The following TTN variants were observed in gnomAD, a reference collection of about 807,000 sequenced individuals.
The protein encoded by TTN is titin.
A neutral mutation model predicts 3,223.0 loss-of-function variants in TTN; 1,525 were observed. The observed-to-expected ratio is 0.47, with a 90% CI of 0.45 to 0.49. TTN has a LOEUF of 0.49. Among genes scored for constraint, TTN ranks in the 20% least tolerant of loss-of-function variants. The pLI is 0.00. For synonymous variants in TTN, 14,094 were observed against 15,161.0 expected, an observed-to-expected ratio of 0.93 and a Z score of 5.17; for missense variants, 40,786 against 43,424.0, an observed-to-expected ratio of 0.94 and a Z score of 5.40.
chr2:178,789,948 A>G (rs1487592943), intron 12 of TTN, 30 bp downstream of exon 12: 2 of 1,611,866 alleles, frequency 1.2e-6, no homozygotes, highest in Non-Finnish European at 1.7e-6. Context: ...TTAAAGATGA[A>G]CTTTTCACAG....
At position 178,735,521 on chromosome 2, in the gene TTN, G is replaced by C. The variant is rs765070689; in HGVS notation, c.14925C>G (p.Val4975=). Residue 4975 remains valine, a synonymous_variant, in exon 50 of 363, where the codon GTC becomes GTG. Transcript: ENST00000589042. ...EAGSSSCSAT[V]TVREPPSFVK... is the part of the protein sequence containing the mutation. ...TCACACGTTTCTTACCTCTGACAGT[G>C]ACTGTGGCTGAGCAGGAGCTGCTTC... 1 of 1,582,750 alleles carries C rather than the reference G, an allele frequency of 6.3e-7. No homozygotes were observed. Among genetic ancestry groups the C allele is most frequent in the Non-Finnish European group, 8.6e-7 (1 of 1,167,440 alleles).
chr2:178,684,055 G>T lies in TTN; in HGVS notation c.32750C>A (p.Pro10917Gln), dbSNP rs73973137. Residue 10917 changes from proline (P) to glutamine (Q), a missense_variant, in exon 133 of 363, where the codon CCA becomes CAA. Transcript: ENST00000589042. ...RVPEEPKRAV[P>Q]EEKVLKLKPK... ...TTTGAGTTTCAGAACTTTTTCTTCT[G>T]GGACAGCTCTCTTCGGTTCCTCTGG... The T allele has an allele frequency of 1.9e-5, 30 of 1,609,812 alleles. No individual in the cohort carries two copies. Among genetic ancestry groups the T allele is most frequent in the Non-Finnish European group, 2.5e-5 (30 of 1,178,292 alleles).
Position 178,601,148 on chromosome 2 carries a change from G to T in TTN, c.55756C>A (p.Leu18586Ile). ...TTCTTTGTGATGAGGCCAATCTTGA[G>T]TTTAATAGGAGGATCAGGAGGATCT... ...PIYPPDPPIK[L>I]KIGLITKNTV... Residue 18586 changes from leucine to isoleucine, a missense_variant, in exon 288 of 363, where the codon CTC becomes ATC. Coordinates refer to ENST00000589042, the MANE Select transcript of TTN (RefSeq NM_001267550.2). The T allele has an allele frequency of 1.3e-6, 2 of 1,544,388 alleles. No homozygotes were observed. The highest frequency in any genetic ancestry group is 1.7e-6 in the Non-Finnish European group (2 of 1,149,486).
chr2:178,779,396 T>A lies in TTN; in HGVS notation c.3796A>T (p.Thr1266Ser), dbSNP rs1274330720. 1 of 1,595,312 alleles carries A rather than the reference T, an allele frequency of 6.3e-7. No homozygotes were observed. Among genetic ancestry groups the A allele is most frequent in the Non-Finnish European group, 8.6e-7 (1 of 1,163,814 alleles). ...TCTTCTTCAAGAAGTTCTTCTAATG[T>A]AGTCTTTATTATTCTATATTCAATT... is the stretch of plus-strand genomic sequence containing the variant. Reference protein sequence around the residue: ...KEIEYRIIKTTLEELLEEDGE... With the variant: ...KEIEYRIIKTSLEELLEEDGE... Residue 1266 changes from threonine (T) to serine (S), a missense_variant, in exon 23 of 363, where the codon ACA becomes TCA. Physicochemically the swap from Thr to Ser is moderately conservative, Grantham distance 58. Coordinates refer to ENST00000589042, the MANE Select transcript of TTN (RefSeq NM_001267550.2).
rs367826445 is a variant in TTN, at chr2:178,720,990, C to A, written c.23029G>T (p.Gly7677Trp). The A allele has an allele frequency of 6.2e-7, 1 of 1,611,902 alleles. No individual in the cohort carries two copies. Among genetic ancestry groups the A allele is most frequent in the Non-Finnish European group, 8.5e-7 (1 of 1,178,224 alleles). The change falls in exon 79 of 363, where the codon GGG becomes TGG. Residue 7677 changes from glycine (G) to tryptophan (W), a missense_variant. Gly to Trp is a radical substitution (Grantham distance 184). Transcript: ENST00000589042. The stretch of plus-strand genomic sequence containing the variant: ...TTATGAGCCTCACAAATGTAGTCCC[C>A]GCTGTCTTCAGCACTAGCTTCATTG... ...TINEASAEDSGDYICEAHNGV... is the reference protein window; with the variant it reads ...TINEASAEDSWDYICEAHNGV...
chr2:178,634,621 G>A lies in TTN; in HGVS notation c.42160C>T (p.Leu14054Phe), dbSNP rs1221996833. 6.2e-7 allele frequency: 1 copy of A among 1,612,822 alleles called. No homozygotes were observed. Among genetic ancestry groups the A allele is most frequent in the Non-Finnish European group, 8.5e-7 (1 of 1,179,416 alleles). Residue 14054 changes from leucine to phenylalanine, a missense_variant, in exon 230 of 363, where the codon CTT becomes TTT. Leu to Phe is a conservative substitution (Grantham distance 22). Coordinates refer to ENST00000589042, the MANE Select transcript of TTN (RefSeq NM_001267550.2). This position sits in a 1 kb window ranked among gnomAD's most constrained non-coding sequence, Gnocchi z 4.6. ...TAILTVKEIE[L>F]DFAVPLKDVT... ...TCCTTCAGGGGCACAGCAAAGTCAAGTTCGATTTCTGAAAATCAGACATTA... is the reference window on the plus strand; with the variant it reads ...TCCTTCAGGGGCACAGCAAAGTCAAATTCGATTTCTGAAAATCAGACATTA...
In TTN at chr2:178,573,295, A is replaced by C; in HGVS notation, c.72837T>G (p.Asp24279Glu). The change falls in exon 326 of 363, where the codon GAT (aspartate) becomes GAG (glutamate). Residue 24279 changes from aspartate to glutamate, a missense_variant. Coordinates refer to ENST00000589042, the MANE Select transcript of TTN (RefSeq NM_001267550.2). ...WIKCNKKTLT[D>E]LRYKVSGLTE... ...TCAGTCCAGACACTTTATATCTTAA[A>C]TCAGTAAGAGTTTTTTTGTTGCATT... is the stretch of plus-strand genomic sequence containing the variant. The C allele has an allele frequency of 6.3e-7, 1 of 1,586,214 alleles. No homozygotes were observed. Among genetic ancestry groups the C allele is most frequent in the Non-Finnish European group, 8.6e-7 (1 of 1,166,114 alleles).
chr2:178,651,898 G>C lies in TTN; in HGVS notation c.39365C>G (p.Ala13122Gly). The C allele has an allele frequency of 1.2e-6, 2 of 1,608,038 alleles. No individual in the cohort carries two copies. Among genetic ancestry groups the C allele is most frequent in the Non-Finnish European group, 1.7e-6 (2 of 1,177,346 alleles). ...TTGCCATGTACCTTGTGGAGGCGCC[G>C]CTGGCTCTGGCTCTTCCACAACTTC... is the stretch of plus-strand genomic sequence containing the variant. ...PAEVVEEPEP[A>G]APPQVTVPPK... Residue 13122 changes from alanine to glycine, a missense_variant, in exon 205 of 363, where the codon GCG becomes GGG. Ala to Gly is a moderately conservative substitution (Grantham distance 60). Coordinates refer to ENST00000589042, the MANE Select transcript of TTN (RefSeq NM_001267550.2).
In TTN at chr2:178,774,103, G is replaced by T. The variant is rs2091912929; in HGVS notation, c.7065C>A (p.Pro2355=). ...TTCKLKMKPR[P]IAILQGLSDQ... Reference sequence around the variant, plus strand: ...CACTAAGTCCTTGTAGGATAGCAATGGGGCGGGCTGTGAAATATGGGGAGA... The same window carrying T: ...CACTAAGTCCTTGTAGGATAGCAATTGGGCGGGCTGTGAAATATGGGGAGA... The change falls in exon 31 of 363, where the codon CCC becomes CCA. Residue 2355 remains proline, a synonymous_variant. Coordinates refer to ENST00000589042, the MANE Select transcript of TTN (RefSeq NM_001267550.2). 3 of 1,614,064 alleles carry T rather than the reference G, an allele frequency of 1.9e-6. No homozygotes were observed. In the East Asian group the frequency reaches 6.7e-5, roughly 36 times the overall value.
At chr2:178,630,773 T>C in intron 238 of TTN, 31 bp downstream of exon 238, 1 of 1,596,040 alleles carries the variant, frequency 6.3e-7, no homozygotes, top group Non-Finnish European at 8.5e-7. Context: ...ACAGCTCCTT[T>C]AGGTGTTGAC....
At chr2:178,660,580 A>G (rs2064506319) in intron 180 of TTN, among the ~76,000 whole-genome samples, 2 of 141,484 alleles carry the variant, frequency 1.4e-5, no homozygotes, top group Admixed American at 1.4e-4. Context: ...AAACCCTAGA[A>G]GAAAACCTAG....
intron 47 of TTN, chr2:178,747,018 C>T (rs2083783725): frequency 1.2e-6 from 2 of 1,613,222 alleles, no homozygotes; most frequent in South Asian, 2.2e-5. Flanking sequence ...TTAAAAGTAC[C>T]AGTGGGGTTT....
At chr2:178,578,450 TA>T (rs1202355426) in intron 321 of TTN, among the ~76,000 whole-genome samples, 160 bp downstream of exon 321, 1 of 152,082 alleles carries the variant, frequency 6.6e-6, no homozygotes, top group Non-Finnish European at 1.5e-5. Context: ...TACATTAGGA[TA>T]TTTTCAATAA....
chr2:178,562,745 G>A lies in TTN; in HGVS notation c.83387C>T (p.Ala27796Val), dbSNP rs368241592. The part of the protein sequence containing the change: ...SWEPPLIDGG[A>V]KITNYIVEKR... The stretch of plus-strand genomic sequence containing the variant: ...TTCGACAATGTAGTTTGTAATCTTA[G>A]CTCCACCATCAATAAGTGGTGGTTC... The change falls in exon 326 of 363, where the codon GCT becomes GTT. Residue 27796 changes from alanine to valine, a missense_variant. Physicochemically the swap from Ala to Val is moderately conservative, Grantham distance 64. Coordinates refer to ENST00000589042, the MANE Select transcript of TTN (RefSeq NM_001267550.2). 9.3e-6 allele frequency: 15 copies of A among 1,611,768 alleles called. No individual in the cohort carries two copies. The South Asian group carries it at 1.1e-4, about 12-fold the overall frequency.
rs770755034 is a variant in TTN, at chr2:178,792,082, G to A, written c.1652C>T (p.Thr551Ile). ...EEITKKQKQV[T>I]QEAIRQETEI... ...GAAAATCAGACTTACTGCTTCTTGA[G>A]TTACTTGTTTCTGTTTCTTAGTAAT... is the stretch of plus-strand genomic sequence containing the variant. The change falls in exon 10 of 363, where the codon ACT (threonine) becomes ATT (isoleucine). Residue 551 changes from threonine to isoleucine, a missense_variant. Transcript: ENST00000589042. 4.3e-6 allele frequency: 7 copies of A among 1,612,326 alleles called. No individual in the cohort carries two copies. Among genetic ancestry groups the A allele is most frequent in the South Asian group, 3.3e-5 (3 of 90,860 alleles).
At chr2:178,755,346 A>G (rs1267111323) in intron 46 of TTN, among the ~76,000 whole-genome samples, 1 of 152,194 alleles carries the variant, frequency 6.6e-6, no homozygotes, top group Non-Finnish European at 1.5e-5. Context: ...TTAAGCCTGT[A>G]AAAGCAGCAT....
intron 121 of TTN, 32 bp downstream of exon 121, chr2:178,691,984 A>G (rs1282405987): frequency 6.3e-7 from 1 of 1,585,264 alleles, no homozygotes; most frequent in Non-Finnish European, 8.6e-7. Context: ...CACTTGGAGC[A>G]AAGAGTCTCC....
chr2:178,694,942 A>T, intron 115 of TTN, 36 bp from the exon 116 acceptor site: 1 of 1,432,856 alleles, frequency 7.0e-7, no homozygotes, highest in Non-Finnish European at 9.6e-7. Context: ...GTACTTTTAG[A>T]ATTCCTATTA....
chr2:178,650,703 G>T (rs942594089), intron 209 of TTN, 48 bp downstream of exon 209: 1 of 1,484,238 alleles, frequency 6.7e-7, no homozygotes, highest in Non-Finnish European at 9.1e-7. Flanking sequence ...GCTTAAATTA[G>T]AAATAGTCGC....
Sources: gnomAD v4.1 joint callset for allele counts (sites outside exome capture counted in the v4.1 genomes callset) on GRCh38, gnomAD v4.1.1 for gene constraint, Gnocchi (gnomAD v3.1) non-coding constraint, MANE v1.5 for transcripts, NCBI Gene and HGNC (gene_info 2026-07-23, HGNC 2026-07-21) for gene names.